C11orf97: variants seen among roughly 807,000 people sequenced by gnomAD.
The protein encoded by C11orf97 is uncharacterized protein C11orf97.
In C11orf97, 15 loss-of-function variants were observed where a neutral mutation model predicts 16.2. The observed-to-expected ratio is 0.93, with a 90% CI of 0.62 to 1.43. The LOEUF (loss-of-function observed/expected upper bound fraction) is 1.43. Among genes scored for constraint, C11orf97 ranks in the 40% most tolerant of loss-of-function variants. The probability of loss-of-function intolerance (pLI) is 0.00; values close to 1 mark genes in which losing one functional copy is unlikely to be tolerated. For missense variants in C11orf97, 171 were observed against 161.2 expected (o/e 1.06, Z -0.33); for synonymous variants, 61 against 65.7 (o/e 0.93, Z 0.34).
intron 2 of C11orf97, among the ~76,000 whole-genome samples, chr11:94,526,796 T>C (rs992307999): frequency 4.6e-5 from 7 of 152,116 alleles, no homozygotes; most frequent in Non-Finnish European, 1.0e-4. Context: ...CAGAAGGAGA[T>C]TGTGCAATCT....
chr11:94,517,413 A>G (rs185346348), intron 1 of C11orf97, among the ~76,000 whole-genome samples, 170 bp from the exon 2 acceptor site: 376 of 152,344 alleles, frequency 2.5e-3, no homozygotes, highest in Non-Finnish European at 4.2e-3. Context: ...AAAGAACCTA[A>G]AGTTTCCATG....
chr11:94,518,593 G>A (rs1033480420), intron 2 of C11orf97, among the ~76,000 whole-genome samples: 9 of 152,196 alleles, frequency 5.9e-5, no homozygotes, highest in African/African-American at 2.2e-4. Context: ...GTTCATGTGT[G>A]AAAGAGATGC....
At chr11:94,514,935 G>A (rs999273436) in intron 1 of C11orf97, among the ~76,000 whole-genome samples, 4 of 151,940 alleles carry the variant, frequency 2.6e-5, no homozygotes, top group East Asian at 1.9e-4. Context: ...ATGAGCCACC[G>A]CGCCTGGCCA....
intron 2 of C11orf97, 86 bp downstream of exon 2, chr11:94,517,773 AC>A: frequency 3.3e-6 from 3 of 899,286 alleles, no homozygotes; most frequent in Admixed American, 3.6e-5. Context: ...ATAAAACCAT[AC>A]TATTGAAATA....
At chr11:94,526,489 T>G (rs116251313) in intron 2 of C11orf97, among the ~76,000 whole-genome samples, 3 of 152,176 alleles carry the variant, frequency 2.0e-5, no homozygotes, top group Non-Finnish European at 4.4e-5. Context: ...CCATCTAATT[T>G]GATGTGATTT....
chr11:94,522,307 G>A (rs1248190739), intron 2 of C11orf97, among the ~76,000 whole-genome samples: 4 of 152,142 alleles, frequency 2.6e-5, no homozygotes, highest in Non-Finnish European at 5.9e-5. Context: ...AGGCTGAGAC[G>A]GGCGTATCAC....
At chr11:94,524,621 A>G (rs561524294) in intron 2 of C11orf97, among the ~76,000 whole-genome samples, 1 of 145,306 alleles carries the variant, frequency 6.9e-6, no homozygotes, top group East Asian at 2.0e-4. Flanking sequence ...TAGTTTTCTC[A>G]TCAGATCTTT....
intron 2 of C11orf97, among the ~76,000 whole-genome samples, chr11:94,523,837 A>G (rs545245796): frequency 2.0e-5 from 3 of 151,760 alleles, no homozygotes; most frequent in South Asian, 4.2e-4. Flanking sequence ...TATTGTGACT[A>G]TAGTTAATAA....
At chr11:94,522,865 GT>G (rs1484779955) in intron 2 of C11orf97, among the ~76,000 whole-genome samples, 1 of 152,128 alleles carries the variant, frequency 6.6e-6, no homozygotes, top group Non-Finnish European at 1.5e-5. Flanking sequence ...AGATGTCTAG[GT>G]TTTCTTGAGC....
chr11:94,512,474 T>G lies in C11orf97; in HGVS notation c.-55T>G. 7.9e-7 allele frequency: 1 copy of G among 1,258,002 alleles called. No homozygotes were observed. The highest frequency in any genetic ancestry group is 1.5e-5 in the African/African-American group (1 of 64,648). 77.9% of individuals were successfully genotyped at this position (1,258,002 alleles called of 1,614,324 possible). On this transcript the variant is annotated 5_prime_UTR_variant, in exon 1 of 4. Coordinates refer to ENST00000542198, the MANE Select transcript of C11orf97 (RefSeq NM_001190462.2). Reference sequence around the variant, plus strand: ...GAGACGCCTCGCATGCTGGGCTGCCTGCGACTGAGCTGAGAAGGAAACCGT... The same window carrying G: ...GAGACGCCTCGCATGCTGGGCTGCCGGCGACTGAGCTGAGAAGGAAACCGT...
chr11:94,530,069 A>C (rs1947726955), intron 3 of C11orf97, among the ~76,000 whole-genome samples: 1 of 152,242 alleles, frequency 6.6e-6, no homozygotes, highest in Admixed American at 6.5e-5. Context: ...AAGACATACA[A>C]GTCCAATAAA....
intron 1 of C11orf97, among the ~76,000 whole-genome samples, chr11:94,514,439 C>T (rs1947593821): frequency 6.6e-6 from 1 of 152,120 alleles, no homozygotes; most frequent in African/African-American, 2.4e-5. Context: ...GTCAATTTTT[C>T]AAATGTCTGT....
intron 1 of C11orf97, among the ~76,000 whole-genome samples, chr11:94,517,095 G>A (rs1947616567): frequency 6.6e-6 from 1 of 152,220 alleles, no homozygotes; most frequent in Non-Finnish European, 1.5e-5. Context: ...ATGTCCATAA[G>A]TGGTTCACTA....
intron 3 of C11orf97, among the ~76,000 whole-genome samples, chr11:94,529,383 C>G (rs966656518): frequency 1.3e-5 from 2 of 152,072 alleles, no homozygotes; most frequent in Admixed American, 1.3e-4. Flanking sequence ...AAACACAAAA[C>G]TTGTTACTAA....
rs1407528806 is a variant in C11orf97, at chr11:94,531,605, A to G, written c.377-291A>G. The stretch of plus-strand genomic sequence containing the variant: ...TGCCTACAATTCACATGGTATCTCA[A>G]TAAAATTCAGACTCTGATACCATAG... On this transcript the variant is annotated intron_variant, in intron 3 of 3. Transcript: ENST00000542198. 3.3e-5 allele frequency among the ~76,000 whole-genome samples: 5 copies of G among 151,482 alleles called. 1 individual carries two copies. Among genetic ancestry groups the G allele is most frequent in the African/African-American group, 1.2e-4 (5 of 41,270 alleles).
chr11:94,512,665 G>A lies in C11orf97; in HGVS notation c.137G>A (p.Gly46Asp). The stretch of plus-strand genomic sequence containing the variant: ...CCCGGCCGCGGCCCCCTAGAGCACG[G>A]CCAGCAGTGTGAGTTCAGCTCCAGC... ...GEPGRGPLEH[G>D]QQWKKFLYCE... is the part of the protein sequence containing the mutation. The change falls in exon 1 of 4, where the codon GGC becomes GAC. Residue 46 changes from glycine (G) to aspartate (D), a missense_variant. Coordinates refer to ENST00000542198, the MANE Select transcript of C11orf97 (RefSeq NM_001190462.2). 8.1e-7 allele frequency: 1 copy of A among 1,241,698 alleles called. No individual in the cohort carries two copies. The highest frequency in any genetic ancestry group is 1.0e-6 in the Non-Finnish European group (1 of 992,422). 76.9% of individuals were successfully genotyped at this position (1,241,698 alleles called of 1,614,324 possible).
intron 2 of C11orf97, among the ~76,000 whole-genome samples, chr11:94,526,799 T>C (rs1339220208): frequency 6.6e-6 from 1 of 152,206 alleles, no homozygotes; most frequent in African/African-American, 2.4e-5. Flanking sequence ...AAGGAGATTG[T>C]GCAATCTTCC....
At chr11:94,515,706 T>C (rs964926815) in intron 1 of C11orf97, among the ~76,000 whole-genome samples, 2 of 151,768 alleles carry the variant, frequency 1.3e-5, no homozygotes, top group Non-Finnish European at 2.9e-5. Context: ...CTGGCCAAGT[T>C]TGTGAAACCT....
chr11:94,530,265 C>T (rs937341725), intron 3 of C11orf97, among the ~76,000 whole-genome samples: 5 of 152,194 alleles, frequency 3.3e-5, no homozygotes, highest in Non-Finnish European at 7.3e-5. Flanking sequence ...CAAGCCCTTA[C>T]AGTGGTCATG....
Sources: allele counts gnomAD v4.1 joint callset (sites outside exome capture counted in the v4.1 genomes callset), GRCh38; gene constraint gnomAD v4.1.1; transcripts MANE v1.5; gene names NCBI Gene and HGNC (gene_info 2026-07-23, HGNC 2026-07-21).